The following EIPR1 variants were observed in gnomAD, a reference collection of about 807,000 sequenced individuals.
The protein encoded by EIPR1 is EARP and GARP complex-interacting protein 1.
A neutral mutation model predicts 48.1 loss-of-function variants in EIPR1; 25 were observed. That is an observed-to-expected ratio of 0.52 (90% CI 0.38 to 0.73). The LOEUF (loss-of-function observed/expected upper bound fraction) is 0.73, where lower values mean the gene tolerates loss of function less well. Among genes scored for constraint, EIPR1 ranks in the 30% least tolerant of loss-of-function variants. The pLI is 0.00. For missense variants in EIPR1, 415 were observed against 506.2 expected, an observed-to-expected ratio of 0.82 and a Z score of 1.73; for synonymous variants, 204 against 201.9, an observed-to-expected ratio of 1.01 and a Z score of -0.09.
rs184768879 is a variant in EIPR1, at chr2:3,258,250, G to T, written c.260-795C>A. On this transcript the variant is annotated intron_variant, in intron 3 of 8. Coordinates refer to ENST00000382125, the MANE Select transcript of EIPR1 (RefSeq NM_003310.5). ...ACTGGGGTCACTTGTTTCCAAGGAA[G>T]GTCTCTGATGCTCTAGAAAATTTCT... 3.9e-3 allele frequency among the ~76,000 whole-genome samples: 598 copies of T among 152,274 alleles called. 3 individuals are homozygous for T. The highest frequency in any genetic ancestry group is 0.01 in the Middle Eastern group (3 of 294).
At chr2:3,241,533 C>T (rs1191446875) in intron 4 of EIPR1, among the ~76,000 whole-genome samples, 2 of 152,196 alleles carry the variant, frequency 1.3e-5, no homozygotes, top group Non-Finnish European at 2.9e-5. Flanking sequence ...CCTAGAATTT[C>T]TGCAATACTC....
At chr2:3,336,206 T>C (rs1396208105) in intron 3 of EIPR1, among the ~76,000 whole-genome samples, 1 of 152,224 alleles carries the variant, frequency 6.6e-6, no homozygotes, top group Non-Finnish European at 1.5e-5. Context: ...AGATCGTCTC[T>C]AAAAGATCTG....
intron 2 of EIPR1, among the ~76,000 whole-genome samples, chr2:3,353,976 G>A (rs1670655290): frequency 6.6e-6 from 1 of 152,136 alleles, no homozygotes; most frequent in South Asian, 2.1e-4. Context: ...CTCCACTTTA[G>A]CAATAAGAAA....
intron 2 of EIPR1, 62 bp downstream of exon 2, chr2:3,354,488 T>G: frequency 6.8e-7 from 1 of 1,476,180 alleles, no homozygotes; most frequent in Non-Finnish European, 9.4e-7. Context: ...CAGAGCAAAA[T>G]GGTTATAAAA....
chr2:3,199,060 G>GCCCCCCCC (rs1214394853), intron 5 of EIPR1, among the ~76,000 whole-genome samples: 1 of 23,352 alleles, frequency 4.3e-5, no homozygotes, highest in Admixed American at 4.6e-4. Flanking sequence ...CATTTTAGAG[G>GCCCCCCCC]GCCCCCCCCC....
At chr2:3,298,860 G>A (rs900025004) in intron 3 of EIPR1, among the ~76,000 whole-genome samples, 4 of 152,144 alleles carry the variant, frequency 2.6e-5, no homozygotes, top group African/African-American at 9.7e-5. Flanking sequence ...GAGAAGACAC[G>A]TACAGCTCTG....
intron 1 of EIPR1, among the ~76,000 whole-genome samples, chr2:3,359,720 C>A (rs1031096496): frequency 2.6e-5 from 4 of 152,146 alleles, no homozygotes; most frequent in Non-Finnish European, 5.9e-5. Context: ...ATAAAATGAC[C>A]ACTAAGTCTA....
chr2:3,358,055 A>G (rs1224095880), intron 1 of EIPR1, among the ~76,000 whole-genome samples: 1 of 152,192 alleles, frequency 6.6e-6, no homozygotes, highest in Non-Finnish European at 1.5e-5. Flanking sequence ...TGCATCCTAC[A>G]GCTCACTAAA....
At chr2:3,314,950 C>A (rs559426513) in intron 3 of EIPR1, among the ~76,000 whole-genome samples, 1 of 151,934 alleles carries the variant, frequency 6.6e-6, no homozygotes, top group East Asian at 1.9e-4. Context: ...AGGCCCTGCC[C>A]TGGCGGTGTC....
chr2:3,213,947 C>A (rs983417264), intron 5 of EIPR1, among the ~76,000 whole-genome samples: 1 of 152,082 alleles, frequency 6.6e-6, no homozygotes, highest in Non-Finnish European at 1.5e-5. Flanking sequence ...GTGTGCTGCA[C>A]CCATTAACTA....
intron 3 of EIPR1, among the ~76,000 whole-genome samples, chr2:3,321,616 C>T (rs1669532396): frequency 6.6e-6 from 1 of 152,200 alleles, no homozygotes; most frequent in South Asian, 2.1e-4. Flanking sequence ...CTCAAAAATG[C>T]AACTTTCTTC....
rs548763461 is a variant in EIPR1 at position 3,202,467 on chromosome 2, G to A, written c.517-5450C>T. ...GGCTGGATATTGTTTCTAACTAATC[G>A]ATACTGTGTTCCAGTTAACTTTCTA... On this transcript the variant is annotated intron_variant, in intron 5 of 8. Transcript: ENST00000382125. Among the ~76,000 whole-genome samples the A allele has an allele frequency of 2.8e-4, 43 of 152,306 alleles. 1 individual carries two copies. The South Asian group carries it at 5.6e-3, about 20-fold the overall frequency.
Position 3,308,011 on chromosome 2 carries a change from C to T in EIPR1, c.259+30006G>A, listed in dbSNP as rs113606967. On this transcript the variant is annotated intron_variant, in intron 3 of 8. Coordinates refer to ENST00000382125, the MANE Select transcript of EIPR1 (RefSeq NM_003310.5). Reference sequence around the variant, plus strand: ...AGAACAGGCCTGGGAATGCTCTCGGCGTCTCCCACACACAACAGAGCCACA... The same window carrying T: ...AGAACAGGCCTGGGAATGCTCTCGGTGTCTCCCACACACAACAGAGCCACA... Among the ~76,000 whole-genome samples, 971 of 152,254 alleles carry T rather than the reference C, an allele frequency of 6.4e-3. 9 individuals are homozygous for T. Among genetic ancestry groups the T allele is most frequent in the African/African-American group, 0.023 (937 of 41,540 alleles).
chr2:3,345,461 C>G (rs1434506286), intron 2 of EIPR1, among the ~76,000 whole-genome samples: 3 of 139,154 alleles, frequency 2.2e-5, no homozygotes, highest in African/African-American at 7.4e-5. Context: ...CCCGTCTCTA[C>G]TAAAAATATA....
intron 5 of EIPR1, among the ~76,000 whole-genome samples, chr2:3,201,600 T>C (rs893745936): frequency 1.2e-4 from 19 of 152,040 alleles, no homozygotes; most frequent in Non-Finnish European, 2.4e-4. Flanking sequence ...AACCATATAG[T>C]GTGCAGGGTG....
At chr2:3,320,266 C>T (rs1669483631) in intron 3 of EIPR1, 1 of 178,276 alleles carries the variant, frequency 5.6e-6, no homozygotes, top group South Asian at 9.5e-5. Context: ...CAACACCACA[C>T]CTGCAGACAA....
chr2:3,201,459 G>C (rs540313833), intron 5 of EIPR1, among the ~76,000 whole-genome samples: 1 of 152,142 alleles, frequency 6.6e-6, no homozygotes, highest in Non-Finnish European at 1.5e-5. Context: ...TTACGTTTGC[G>C]GCAAGGGTGC....
chr2:3,309,085 A>G lies in EIPR1; in HGVS notation c.259+28932T>C, dbSNP rs572571627. 1.5e-4 allele frequency among the ~76,000 whole-genome samples: 23 copies of G among 152,382 alleles called. 1 individual carries two copies. Among genetic ancestry groups the G allele is most frequent in the South Asian group, 1.5e-3 (7 of 4,826 alleles). ...ATGGGCAAAAACCAGTAAATACAGTAGACATCTTTCTCCTCGTGAGCTTCT... is the reference window on the plus strand; with the variant it reads ...ATGGGCAAAAACCAGTAAATACAGTGGACATCTTTCTCCTCGTGAGCTTCT... On this transcript the variant is annotated intron_variant, in intron 3 of 8. Coordinates refer to ENST00000382125, the MANE Select transcript of EIPR1 (RefSeq NM_003310.5).
intron 3 of EIPR1, among the ~76,000 whole-genome samples, chr2:3,337,010 G>C (rs1416988364): frequency 8.6e-6 from 1 of 116,846 alleles, no homozygotes; most frequent in Non-Finnish European, 1.7e-5. Flanking sequence ...GGAAAGGGAA[G>C]GGAAAAGGGA....
Sources: gnomAD v4.1 joint callset for allele counts (sites outside exome capture counted in the v4.1 genomes callset) on GRCh38, gnomAD v4.1.1 for gene constraint, MANE v1.5 for transcripts, NCBI Gene and HGNC (gene_info 2026-07-23, HGNC 2026-07-21) for gene names.